Variants in ASB18 observed in about 807,000 individuals in gnomAD.
ASB18 encodes ankyrin repeat and SOCS box containing 18.
ASB18 carries 33 observed loss-of-function variants against 33.4 expected under a neutral mutation model. That is an observed-to-expected ratio of 0.99 (90% CI 0.75 to 1.32). The LOEUF is 1.32. ASB18 is among the 40% of genes most tolerant of loss of function. The pLI, the probability that ASB18 is intolerant of heterozygous loss-of-function variation, is 0.00. For missense variants in ASB18, 694 were observed against 655.5 expected, an observed-to-expected ratio of 1.06 and a Z score of -0.64; for synonymous variants, 295 against 307.6, an observed-to-expected ratio of 0.96 and a Z score of 0.43.
chr2:236,262,979 C>G lies in ASB18; in HGVS notation c.205+1162G>C, dbSNP rs1424580012. On this transcript the variant is annotated intron_variant, in intron 1 of 5. Coordinates refer to ENST00000409749, the MANE Select transcript of ASB18 (RefSeq NM_212556.4). This position sits in a 1 kb window ranked among gnomAD's most constrained non-coding sequence, Gnocchi z 5.2. ...CCCTAGCAGCAACTCCCACTCATGT[C>G]CCATCTGTGTTCCTCCTGCATGTTG... is the stretch of plus-strand genomic sequence containing the variant. Among the ~76,000 whole-genome samples, 1 of 152,192 alleles carries G rather than the reference C, an allele frequency of 6.6e-6. No homozygotes were observed. Among genetic ancestry groups the G allele is most frequent in the Non-Finnish European group, 1.5e-5 (1 of 68,026 alleles).
chr2:236,212,048 G>A (rs1392836454), intron 4 of ASB18, among the ~76,000 whole-genome samples: 1 of 152,260 alleles, frequency 6.6e-6, no homozygotes, highest in Middle Eastern at 3.4e-3. Flanking sequence ...GGTGGGCAAC[G>A]CTTTTTGCAA....
chr2:236,210,751 T>C (rs1438725254), intron 4 of ASB18, among the ~76,000 whole-genome samples: 2 of 152,166 alleles, frequency 1.3e-5, no homozygotes, highest in African/African-American at 2.4e-5. Flanking sequence ...CAAATAAAGC[T>C]GGCCATGTAA....
chr2:236,194,938 G>A lies in ASB18; in HGVS notation c.1335C>T (p.Pro445=). The A allele has an allele frequency of 6.2e-7, 1 of 1,613,870 alleles. No individual in the cohort carries two copies. The highest frequency in any genetic ancestry group is 1.1e-5 in the South Asian group (1 of 90,998). ...LFGKRCFDLI[P]LLPLPKPLQN... is the part of the protein sequence containing the mutation. Reference sequence around the variant, plus strand: ...GCAGGGGCTTTGGCAAGGGTAACAGGGGGATGAGGTCAAAGCACCTTTTGC... The same window carrying A: ...GCAGGGGCTTTGGCAAGGGTAACAGAGGGATGAGGTCAAAGCACCTTTTGC... The change falls in exon 6 of 6, where the codon CCC becomes CCT. Residue 445 remains proline, a synonymous_variant. Coordinates refer to ENST00000409749, the MANE Select transcript of ASB18 (RefSeq NM_212556.4). This position sits in a 1 kb window ranked among gnomAD's most constrained non-coding sequence, Gnocchi z 4.5.
Position 236,249,982 on chromosome 2 carries a change from G to A in ASB18, c.206-8580C>T, listed in dbSNP as rs913799987. 2.6e-5 allele frequency: 4 copies of A among 152,312 alleles called. No homozygotes were observed. Among genetic ancestry groups the A allele is most frequent in the East Asian group, 3.9e-4 (2 of 5,182 alleles). 9.4% of individuals were successfully genotyped at this position (152,312 alleles called of 1,614,324 possible). A position where few individuals can be genotyped will look rare whatever the true frequency, so the allele number is the denominator to read the frequency against. ...GAGTTCTTTATAATTGAGTCCTATAGTGGAGACACAAACATGAGTTCTTTA... is the reference window on the plus strand; with the variant it reads ...GAGTTCTTTATAATTGAGTCCTATAATGGAGACACAAACATGAGTTCTTTA... On this transcript the variant is annotated intron_variant, in intron 1 of 5. Transcript: ENST00000409749. This position sits in a 1 kb window ranked among gnomAD's most constrained non-coding sequence, Gnocchi z 4.6.
chr2:236,262,700 C>G lies in ASB18; in HGVS notation c.205+1441G>C, dbSNP rs759640222. On this transcript the variant is annotated intron_variant, in intron 1 of 5. Coordinates refer to ENST00000409749, the MANE Select transcript of ASB18 (RefSeq NM_212556.4). The surrounding 1 kb of genome is among the most constrained non-coding windows in gnomAD (Gnocchi z 5.2). ...TTGTGATGACAACCTCCCCTAAACC[C>G]CCCCCAGGGCAATCTTCTAGAGAGA... Among the ~76,000 whole-genome samples the G allele has an allele frequency of 1.3e-5, 2 of 152,130 alleles. No homozygotes were observed. Among genetic ancestry groups the G allele is most frequent in the African/African-American group, 4.8e-5 (2 of 41,418 alleles).
chr2:236,206,492 C>T (rs2060434396), intron 4 of ASB18, among the ~76,000 whole-genome samples: 2 of 152,156 alleles, frequency 1.3e-5, no homozygotes, highest in South Asian at 4.1e-4. Flanking sequence ...CTGAGGTTGG[C>T]AGAGCAGAGA....
intron 4 of ASB18, among the ~76,000 whole-genome samples, chr2:236,197,378 G>C (rs543700986): frequency 5.9e-5 from 9 of 152,300 alleles, no homozygotes; most frequent in Non-Finnish European, 1.3e-4. Flanking sequence ...TGTATTTTTA[G>C]ATGTCTTTTT....
chr2:236,256,673 G>A lies in ASB18; in HGVS notation c.205+7468C>T, dbSNP rs537546917. Among the ~76,000 whole-genome samples, 16 of 152,112 alleles carry A rather than the reference G, an allele frequency of 1.1e-4. No individual in the cohort carries two copies. The highest frequency in any genetic ancestry group is 2.4e-4 in the Non-Finnish European group (16 of 68,026). The stretch of plus-strand genomic sequence containing the variant: ...ATCAGCATACATTATTTCTTTATTA[G>A]CCCGTTTCTCAATTTTGATTCTGAA... On this transcript the variant is annotated intron_variant, in intron 1 of 5. Coordinates refer to ENST00000409749, the MANE Select transcript of ASB18 (RefSeq NM_212556.4). This position sits in a 1 kb window ranked among gnomAD's most constrained non-coding sequence, Gnocchi z 4.7.
chr2:236,241,326 A>G lies in ASB18; in HGVS notation c.282T>C (p.Asp94=). The change falls in exon 2 of 6, where the codon GAT becomes GAC. Residue 94 remains aspartate, a synonymous_variant. Coordinates refer to ENST00000409749, the MANE Select transcript of ASB18 (RefSeq NM_212556.4). The surrounding 1 kb of genome is among the most constrained non-coding windows in gnomAD (Gnocchi z 4.2). ...GAGATTTCACCTGCCATTCCATCTCATCCTTATTGATCTCAAACACCACGT... is the reference window on the plus strand; with the variant it reads ...GAGATTTCACCTGCCATTCCATCTCGTCCTTATTGATCTCAAACACCACGT... ...DANVVFEINK[D]EMEWQVKSPA... The G allele has an allele frequency of 6.2e-7, 1 of 1,609,976 alleles. No individual in the cohort carries two copies. The highest frequency in any genetic ancestry group is 8.5e-7 in the Non-Finnish European group (1 of 1,176,314).
intron 4 of ASB18, among the ~76,000 whole-genome samples, chr2:236,212,669 G>A (rs971814566): frequency 2.3e-4 from 35 of 152,044 alleles, no homozygotes; most frequent in Admixed American, 2.3e-3. Context: ...CTATCACCCA[G>A]GCTGGAGTGT....
chr2:236,201,089 G>C lies in ASB18; in HGVS notation c.1102-4704C>G, dbSNP rs560291053. ...AACGTTGGTAGGGTCATAGCCAAGA[G>C]TTTTGAGGCAGTGTTCCCTTCCCTC... On this transcript the variant is annotated intron_variant, in intron 4 of 5. Transcript: ENST00000409749. Among the ~76,000 whole-genome samples the C allele has an allele frequency of 1.4e-4, 21 of 152,184 alleles. 1 individual carries two copies. The South Asian group carries it at 3.9e-3, about 29-fold the overall frequency.
At position 236,217,024 on chromosome 2, in the gene ASB18, C is replaced by A. The variant is rs1052321710; in HGVS notation, c.597-2158G>T. ...CCCATCTTTCCTTCCTCTTGGAAGCCTTCCTGTGCCACCAGGTAGAGGGGT... is the reference window on the plus strand; with the variant it reads ...CCCATCTTTCCTTCCTCTTGGAAGCATTCCTGTGCCACCAGGTAGAGGGGT... On this transcript the variant is annotated intron_variant, in intron 3 of 5. Transcript: ENST00000409749. The surrounding 1 kb of genome is among the most constrained non-coding windows in gnomAD (Gnocchi z 5.2). 6.6e-6 allele frequency among the ~76,000 whole-genome samples: 1 copy of A among 152,196 alleles called. No homozygotes were observed. Among genetic ancestry groups the A allele is most frequent in the African/African-American group, 2.4e-5 (1 of 41,446 alleles).
chr2:236,214,196 G>C lies in ASB18; in HGVS notation c.1101+166C>G, dbSNP rs989827672. ...CACCCGGGAGCTTGTTGGCAATGCA[G>C]GCTCTCCCACCCCAGACCGGCAGAG... On this transcript the variant is annotated intron_variant, in intron 4 of 5. Coordinates refer to ENST00000409749, the MANE Select transcript of ASB18 (RefSeq NM_212556.4). The surrounding 1 kb of genome is among the most constrained non-coding windows in gnomAD (Gnocchi z 6.5). The C allele has an allele frequency of 1.4e-6, 1 of 723,034 alleles. No individual in the cohort carries two copies. Among genetic ancestry groups the C allele is most frequent in the Non-Finnish European group, 2.2e-6 (1 of 463,362 alleles). The allele number at this position is 723,034 out of a possible 1,614,324, so 44.8% of individuals were successfully genotyped here. A position where few individuals can be genotyped will look rare whatever the true frequency, so the allele number is the denominator to read the frequency against.
In ASB18 at chr2:236,237,059, C is replaced by T. The variant is rs911048813; in HGVS notation, c.596+630G>A. ...GACCCCCAGACCCCGCGCCCGGGCG[C>T]GAACTAGCTGAGCGGCCGCTGGGCC... is the stretch of plus-strand genomic sequence containing the variant. On this transcript the variant is annotated intron_variant, in intron 3 of 5. Coordinates refer to ENST00000409749, the MANE Select transcript of ASB18 (RefSeq NM_212556.4). The surrounding 1 kb of genome is among the most constrained non-coding windows in gnomAD (Gnocchi z 6.2). Among the ~76,000 whole-genome samples, 1 of 152,008 alleles carries T rather than the reference C, an allele frequency of 6.6e-6. No homozygotes were observed. The highest frequency in any genetic ancestry group is 1.5e-5 in the Non-Finnish European group (1 of 67,968).
Position 236,214,918 on chromosome 2 carries a change from C to A in ASB18, c.597-52G>T. On this transcript the variant is annotated intron_variant, in intron 3 of 5. Coordinates refer to ENST00000409749, the MANE Select transcript of ASB18 (RefSeq NM_212556.4). This position sits in a 1 kb window ranked among gnomAD's most constrained non-coding sequence, Gnocchi z 6.5. ...GGGCGCCACGCAGGACGCCCGCACC[C>A]TTCCACCCCCGGCCTGCTGCTGCAA... 8.4e-7 allele frequency: 1 copy of A among 1,197,294 alleles called. No homozygotes were observed. Among genetic ancestry groups the A allele is most frequent in the South Asian group, 4.2e-5 (1 of 23,872 alleles). 74.2% of individuals were successfully genotyped at this position (1,197,294 alleles called of 1,614,324 possible).
chr2:236,240,224 G>A (rs907628543), intron 2 of ASB18, among the ~76,000 whole-genome samples: 2 of 152,136 alleles, frequency 1.3e-5, no homozygotes, highest in African/African-American at 4.8e-5. Flanking sequence ...AGAAGGGGTC[G>A]GCTGCGACAT....
Position 236,209,848 on chromosome 2 carries a change from AGCTCATTT to A in ASB18, c.1101+4506_1101+4513del, listed in dbSNP as rs1237600004. ...CCTAGCTGTTTCCTCTCCAACGACT[AGCTCATTT>A]TTCCAACTGCACACATTGCCGTGCC... On this transcript the variant is annotated intron_variant, in intron 4 of 5. Coordinates refer to ENST00000409749, the MANE Select transcript of ASB18 (RefSeq NM_212556.4). The surrounding 1 kb of genome is among the most constrained non-coding windows in gnomAD (Gnocchi z 4.4). Among the ~76,000 whole-genome samples, 3 of 152,164 alleles carry A rather than the reference AGCTCATTT, an allele frequency of 2.0e-5. No homozygotes were observed. The East Asian group carries it at 5.8e-4, about 29-fold the overall frequency.
chr2:236,243,538 A>G (rs965573612), intron 1 of ASB18, among the ~76,000 whole-genome samples: 5 of 152,008 alleles, frequency 3.3e-5, no homozygotes, highest in Non-Finnish European at 7.4e-5. Context: ...GGTTCCAGAT[A>G]AGTGTCCCTG....
rs991515665 is a variant in ASB18, at chr2:236,257,582, A to G, written c.205+6559T>C. Among the ~76,000 whole-genome samples, 1 of 152,192 alleles carries G rather than the reference A, an allele frequency of 6.6e-6. No individual in the cohort carries two copies. The highest frequency in any genetic ancestry group is 1.5e-5 in the Non-Finnish European group (1 of 68,034). ...CATATGCATATGTATGCTTCATGTC[A>G]GATTAAAGGGTTGTAGACAGCTTCA... On this transcript the variant is annotated intron_variant, in intron 1 of 5. Coordinates refer to ENST00000409749, the MANE Select transcript of ASB18 (RefSeq NM_212556.4). The surrounding 1 kb of genome is among the most constrained non-coding windows in gnomAD (Gnocchi z 5.5).
Sources: allele counts gnomAD v4.1 joint callset (sites outside exome capture counted in the v4.1 genomes callset), GRCh38; gene constraint gnomAD v4.1.1; non-coding constraint Gnocchi (gnomAD v3.1); transcripts MANE v1.5; gene names NCBI Gene and HGNC (gene_info 2026-07-23, HGNC 2026-07-21).